The following PKHD1 variants were observed in gnomAD, a reference collection of about 807,000 sequenced individuals.
The protein encoded by PKHD1 is PKHD1 ciliary IPT domain containing fibrocystin/polyductin.
In PKHD1, 291 loss-of-function variants were observed where a neutral mutation model predicts 412.0. The ratio of observed to expected loss-of-function variants is 0.71; its 90% CI spans 0.64 to 0.78. The LOEUF (loss-of-function observed/expected upper bound fraction) is 0.78, where lower values mean the gene tolerates loss of function less well. Ranked by LOEUF, PKHD1 falls within the 30% of genes least tolerant of loss-of-function variation. The pLI, the probability that PKHD1 is intolerant of heterozygous loss-of-function variation, is 0.00. For synonymous variants in PKHD1, 1,777 were observed against 1,821.5 expected, an observed-to-expected ratio of 0.98 and a Z score of 0.62; for missense variants, 4,825 against 4,950.7, an observed-to-expected ratio of 0.97 and a Z score of 0.76.
intron 60 of PKHD1, among the ~76,000 whole-genome samples, chr6:51,667,574 C>A (rs1774050997): frequency 6.6e-6 from 1 of 152,094 alleles, no homozygotes; most frequent in Non-Finnish European, 1.5e-5. Context: ...TCCATTTTGC[C>A]TTTTGTTGCC....
At chr6:51,981,457 T>C (rs1795255129) in intron 35 of PKHD1, among the ~76,000 whole-genome samples, 1 of 152,060 alleles carries the variant, frequency 6.6e-6, no homozygotes, top group African/African-American at 2.4e-5. Context: ...CTGATTCTCC[T>C]GCCTCAGCCT....
chr6:51,680,964 G>A (rs934712912), intron 60 of PKHD1, among the ~76,000 whole-genome samples: 3 of 152,116 alleles, frequency 2.0e-5, no homozygotes, highest in Admixed American at 6.6e-5. Flanking sequence ...TTAAAAATCG[G>A]TTGGTTGTGA....
At chr6:51,940,811 A>G (rs1360367408) in intron 36 of PKHD1, among the ~76,000 whole-genome samples, 3 of 151,538 alleles carry the variant, frequency 2.0e-5, no homozygotes, top group Non-Finnish European at 3.0e-5. Context: ...CCTTGCCTCC[A>G]TAACTGTTGT....
intron 4 of PKHD1, among the ~76,000 whole-genome samples, 175 bp from the exon 5 acceptor site, chr6:52,080,183 T>C (rs1811842033): frequency 1.3e-5 from 2 of 152,076 alleles, no homozygotes; most frequent in South Asian, 4.1e-4. Flanking sequence ...CTTTAAGAAC[T>C]GGGTCCTTCA....
intron 48 of PKHD1, among the ~76,000 whole-genome samples, chr6:51,865,628 G>A (rs1419732905): frequency 6.6e-6 from 1 of 152,138 alleles, no homozygotes; most frequent in Non-Finnish European, 1.5e-5. Flanking sequence ...TACTGAGGGA[G>A]GGAGTTAAGG....
chr6:51,658,830 T>C, intron 61 of PKHD1, 122 bp downstream of exon 61: 1 of 712,822 alleles, frequency 1.4e-6, no homozygotes, highest in Non-Finnish European at 2.5e-6. Flanking sequence ...GAATTTTTAT[T>C]CTTATCTTAA....
At chr6:51,784,012 T>C (rs764895139) in intron 53 of PKHD1, among the ~76,000 whole-genome samples, 1 of 152,214 alleles carries the variant, frequency 6.6e-6, no homozygotes, top group African/African-American at 2.4e-5. Flanking sequence ...CATTCACTTA[T>C]ATATACATTG....
chr6:51,694,547 C>CGTTTTTTTT (rs1562116019), intron 60 of PKHD1, among the ~76,000 whole-genome samples: 1 of 55,466 alleles, frequency 1.8e-5, no homozygotes, highest in African/African-American at 6.5e-5. Flanking sequence ...CCACAACCAG[C>CGTTTTTTTT]CTTTTTTTTT....
chr6:51,910,834 G>A (rs1362290883), intron 39 of PKHD1, among the ~76,000 whole-genome samples: 1 of 152,008 alleles, frequency 6.6e-6, no homozygotes, highest in African/African-American at 2.4e-5. Flanking sequence ...TAGGGAGGGA[G>A]GTGAGGCCAA....
intron 54 of PKHD1, among the ~76,000 whole-genome samples, chr6:51,775,458 T>C (rs79600430): frequency 0.1 from 15,886 of 151,940 alleles, 905 homozygotes; most frequent in East Asian, 0.14. Flanking sequence ...AATTTATAGA[T>C]CTATCAGTTG....
At chr6:51,729,595 G>A (rs976484480) in intron 60 of PKHD1, among the ~76,000 whole-genome samples, 1 of 152,076 alleles carries the variant, frequency 6.6e-6, no homozygotes, top group African/African-American at 2.4e-5. Flanking sequence ...TAAAAGTGAA[G>A]TTGCTAAGTC....
At chr6:51,792,262 A>G (rs550580621) in intron 52 of PKHD1, among the ~76,000 whole-genome samples, 11 of 152,366 alleles carry the variant, frequency 7.2e-5, no homozygotes, top group African/African-American at 2.6e-4. Context: ...TCTGAAATTT[A>G]GCAGTAATTC....
chr6:52,042,995 C>A lies in PKHD1; in HGVS notation c.2961G>T (p.Leu987Phe), dbSNP rs398124482. Residue 987 changes from leucine to phenylalanine, a missense_variant, in exon 27 of 67, where the codon TTG (leucine) becomes TTT (phenylalanine). Physicochemically the swap from Leu to Phe is conservative, Grantham distance 22. Coordinates refer to ENST00000371117, the MANE Select transcript of PKHD1 (RefSeq NM_138694.4). ...NQTNVVCQTDLLPVGMHRILM... is the reference protein window; with the variant it reads ...NQTNVVCQTDFLPVGMHRILM... ...AGATCCGATGCATTCCAACAGGTAG[C>A]AAATCTGTCTGACAGACTACATTGG... 16 of 1,613,916 alleles carry A rather than the reference C, an allele frequency of 9.9e-6. No individual in the cohort carries two copies. Among genetic ancestry groups the A allele is most frequent in the African/African-American group, 4.0e-5 (3 of 74,896 alleles).
At chr6:51,667,973 G>A (rs1774140732) in intron 60 of PKHD1, among the ~76,000 whole-genome samples, 1 of 152,146 alleles carries the variant, frequency 6.6e-6, no homozygotes, top group Non-Finnish European at 1.5e-5. Flanking sequence ...TTGAAGTCAG[G>A]TCGCGTGATG....
In PKHD1 at chr6:51,775,908, A is replaced by G. The variant is rs1482293440; in HGVS notation, c.8454T>C (p.Asn2818=). The G allele has an allele frequency of 2.6e-6, 4 of 1,544,096 alleles. No individual in the cohort carries two copies. The change falls in exon 54 of 67, where the codon AAT becomes AAC. Residue 2818 remains asparagine (N), a synonymous_variant. Transcript: ENST00000371117. ...GGELKVGTLE[N]PLEKEQKLLI... ...GAAGCTTTTGTTCCTTTTCTAAGGGATTTTCTAAAGTACCTGTTTACAAAG... is the reference window on the plus strand; with the variant it reads ...GAAGCTTTTGTTCCTTTTCTAAGGGGTTTTCTAAAGTACCTGTTTACAAAG...
chr6:51,647,174 A>T (rs1461370168), intron 63 of PKHD1, among the ~76,000 whole-genome samples: 1 of 152,206 alleles, frequency 6.6e-6, no homozygotes, highest in Non-Finnish European at 1.5e-5. Context: ...TAAAAATACA[A>T]TGATTGAACA....
Position 51,659,207 on chromosome 6 carries a change from A to G in PKHD1, c.10919T>C (p.Leu3640Pro), listed in dbSNP as rs1772401462. Residue 3640 changes from leucine (L) to proline (P), a missense_variant, in exon 61 of 67, where the codon CTC (leucine) becomes CCC (proline). By Grantham distance (98) the Leu-to-Pro change is moderately conservative (BLOSUM62 -3). Coordinates refer to ENST00000371117, the MANE Select transcript of PKHD1 (RefSeq NM_138694.4). ...HYRRVGQRRP[L>P]MMEMNSHRAS... ...CCTATGTGAGTTCATTTCCATCATGAGAGGCCTACGTTGACCAACTCTTCT... is the reference window on the plus strand; with the variant it reads ...CCTATGTGAGTTCATTTCCATCATGGGAGGCCTACGTTGACCAACTCTTCT... The G allele has an allele frequency of 6.2e-7, 1 of 1,613,850 alleles. No homozygotes were observed. The highest frequency in any genetic ancestry group is 1.1e-5 in the South Asian group (1 of 91,086).
intron 27 of PKHD1, among the ~76,000 whole-genome samples, chr6:52,036,835 T>C (rs1804030881): frequency 1.3e-5 from 2 of 152,122 alleles, no homozygotes; most frequent in Non-Finnish European, 2.9e-5. Flanking sequence ...AATAAATGGA[T>C]CGAAAGAGTG....
intron 52 of PKHD1, among the ~76,000 whole-genome samples, chr6:51,814,490 T>C (rs1217839488): frequency 2.0e-5 from 3 of 152,102 alleles, no homozygotes; most frequent in African/African-American, 7.2e-5. Flanking sequence ...TGAGAAAAGG[T>C]AACCTCTGAA....
Sources: gnomAD v4.1 joint callset for allele counts (sites outside exome capture counted in the v4.1 genomes callset) on GRCh38, gnomAD v4.1.1 for gene constraint, MANE v1.5 for transcripts, NCBI Gene and HGNC (gene_info 2026-07-23, HGNC 2026-07-21) for gene names.